Variants in PAX2 observed in about 807,000 individuals in gnomAD.
PAX2 encodes paired box protein Pax-2.
In PAX2, 9 loss-of-function variants were observed where a neutral mutation model predicts 41.7. The observed-to-expected ratio is 0.22, with a 90% CI of 0.13 to 0.38. The LOEUF (loss-of-function observed/expected upper bound fraction) is 0.38, where lower values mean the gene tolerates loss of function less well. PAX2 is among the 10% of genes least tolerant of loss of function. The pLI, the probability that PAX2 is intolerant of heterozygous loss-of-function variation, is 1.00. For missense variants in PAX2, 418 were observed against 531.6 expected, an observed-to-expected ratio of 0.79 and a Z score of 2.10; for synonymous variants, 221 against 212.7, an observed-to-expected ratio of 1.04 and a Z score of -0.34.
At chr10:100,764,422 G>A (rs373740108) in intron 3 of PAX2, among the ~76,000 whole-genome samples, 657 of 152,228 alleles carry the variant, frequency 4.3e-3, no homozygotes, top group Non-Finnish European at 7.1e-3. Context: ...GATTACAGGC[G>A]TCAGCCACCG....
intron 5 of PAX2, among the ~76,000 whole-genome samples, chr10:100,799,834 AC>A (rs1847482920): frequency 7.8e-6 from 1 of 127,572 alleles, no homozygotes; most frequent in African/African-American, 3.0e-5. Flanking sequence ...TCACTCTGTC[AC>A]CCAGGCTGGC....
chr10:100,772,030 C>A (rs1352193669), intron 3 of PAX2, among the ~76,000 whole-genome samples: 1 of 151,954 alleles, frequency 6.6e-6, no homozygotes, highest in East Asian at 1.9e-4. Flanking sequence ...TGGTCTTGAA[C>A]TTCCGACCTC....
At position 100,791,925 on chromosome 10, in the gene PAX2, G is replaced by A. The variant is rs1163189774; in HGVS notation, c.616+10560G>A. On this transcript the variant is annotated intron_variant, in intron 5 of 9. Transcript: ENST00000355243. The surrounding 1 kb of genome is among the most constrained non-coding windows in gnomAD (Gnocchi z 4.5). ...CAGCTTGTAGGAGCCGCCTGGGTGA[G>A]GGACAGTGTGGGTGGTCTTGGGCAG... Among the ~76,000 whole-genome samples, 2 of 152,184 alleles carry A rather than the reference G, an allele frequency of 1.3e-5. No individual in the cohort carries two copies. The highest frequency in any genetic ancestry group is 1.9e-4 in the East Asian group (1 of 5,180).
At chr10:100,764,126 C>T (rs1845932536) in intron 3 of PAX2, among the ~76,000 whole-genome samples, 1 of 146,624 alleles carries the variant, frequency 6.8e-6, no homozygotes. Context: ...TGTGTATGCA[C>T]AAACATTGAA....
At chr10:100,811,970 G>T (rs1237863922) in intron 7 of PAX2, among the ~76,000 whole-genome samples, 1 of 152,240 alleles carries the variant, frequency 6.6e-6, no homozygotes, top group African/African-American at 2.4e-5. Context: ...GGCCCTGGAG[G>T]CTGATTTCAA....
chr10:100,753,546 G>A (rs1431664463), intron 3 of PAX2, among the ~76,000 whole-genome samples: 1 of 152,196 alleles, frequency 6.6e-6, no homozygotes, highest in Non-Finnish European at 1.5e-5. Context: ...TGGTGCACCG[G>A]GGAACGGGTG....
rs1848494907 is a variant in PAX2 at position 100,824,813 on chromosome 10, G to A, written c.1021+64G>A. 6.7e-7 allele frequency: 1 copy of A among 1,496,744 alleles called. No individual in the cohort carries two copies. The highest frequency in any genetic ancestry group is 9.3e-7 in the Non-Finnish European group (1 of 1,073,112). 92.7% of individuals were successfully genotyped at this position (1,496,744 alleles called of 1,614,324 possible). A position where few individuals can be genotyped will look rare whatever the true frequency, so the allele number is the denominator to read the frequency against. On this transcript the variant is annotated intron_variant, in intron 8 of 9. Transcript: ENST00000355243. This position sits in a 1 kb window ranked among gnomAD's most constrained non-coding sequence, Gnocchi z 6.6. ...GGAACTAAATTGTGGGTGAGCTGCT[G>A]AATGGTCTGTAGTCTGAGGCTGGGG...
At chr10:100,805,315 T>C (rs1847737748) in intron 5 of PAX2, among the ~76,000 whole-genome samples, 1 of 152,184 alleles carries the variant, frequency 6.6e-6, no homozygotes, top group East Asian at 1.9e-4. Context: ...ATATATAACA[T>C]TCCCAGAGGA....
chr10:100,818,329 T>A (rs971566197), intron 7 of PAX2, among the ~76,000 whole-genome samples: 1 of 152,226 alleles, frequency 6.6e-6, no homozygotes, highest in Non-Finnish European at 1.5e-5. Context: ...GCTTCCTTTT[T>A]ATTTCCTTGA....
At chr10:100,762,872 G>A (rs892700462) in intron 3 of PAX2, among the ~76,000 whole-genome samples, 2 of 152,228 alleles carry the variant, frequency 1.3e-5, no homozygotes, top group African/African-American at 4.8e-5. Context: ...GCAGAGGGTG[G>A]ATTGGTCGCA....
chr10:100,740,212 G>C (rs1044269565), intron 1 of PAX2, among the ~76,000 whole-genome samples: 1 of 152,170 alleles, frequency 6.6e-6, no homozygotes, highest in African/African-American at 2.4e-5. Flanking sequence ...CGGTTTTGGC[G>C]GACTGGCTGA....
chr10:100,760,078 T>C (rs1055256971), intron 3 of PAX2, among the ~76,000 whole-genome samples: 13 of 152,168 alleles, frequency 8.5e-5, no homozygotes, highest in Admixed American at 2.0e-4. Context: ...CTTAGTGCGT[T>C]TTCCCAAGAG....
At chr10:100,775,052 C>G (rs1025248025) in intron 3 of PAX2, among the ~76,000 whole-genome samples, 2 of 152,208 alleles carry the variant, frequency 1.3e-5, no homozygotes, top group Non-Finnish European at 2.9e-5. Flanking sequence ...AGGGCAGTCT[C>G]TCAGTGGAAA....
chr10:100,788,736 C>G (rs182176584), intron 5 of PAX2, among the ~76,000 whole-genome samples: 1 of 152,188 alleles, frequency 6.6e-6, no homozygotes, highest in East Asian at 1.9e-4. Flanking sequence ...TGGGATTCAG[C>G]CTGAAGGAGC....
intron 5 of PAX2, among the ~76,000 whole-genome samples, chr10:100,795,050 C>A (rs1165741799): frequency 1.3e-5 from 2 of 152,192 alleles, no homozygotes; most frequent in African/African-American, 4.8e-5. Flanking sequence ...CCAATGGGGA[C>A]CTCCTCCTGG....
intron 5 of PAX2, among the ~76,000 whole-genome samples, 161 bp downstream of exon 5, chr10:100,781,526 G>C (rs1299441019): frequency 6.6e-6 from 1 of 152,230 alleles, no homozygotes; most frequent in African/African-American, 2.4e-5. Flanking sequence ...GAGAGAGGGA[G>C]GGTGGCTGCT....
intron 1 of PAX2, among the ~76,000 whole-genome samples, chr10:100,739,014 G>GACACACACACACACACACACACACAC (rs61617727): frequency 7.2e-6 from 1 of 138,266 alleles, no homozygotes; most frequent in Non-Finnish European, 1.6e-5. Context: ...CGCGCACGCG[G>GACACACACACACACACACACACACAC]ACACACACAC....
In PAX2 at chr10:100,827,239, C is replaced by A; in HGVS notation, c.1108+144C>A. The A allele has an allele frequency of 1.4e-6, 1 of 732,126 alleles. No homozygotes were observed. 45.4% of individuals were successfully genotyped at this position (732,126 alleles called of 1,614,324 possible). On this transcript the variant is annotated intron_variant, in intron 9 of 9. Coordinates refer to ENST00000355243, the MANE Select transcript of PAX2 (RefSeq NM_000278.5). This position sits in a 1 kb window ranked among gnomAD's most constrained non-coding sequence, Gnocchi z 8.5. ...AGTGCAGCACTGAGGCCCGGGGACC[C>A]CTCGAGGACGCCCGCACCTCCTGCC...
At chr10:100,752,377 T>C (rs140547720) in intron 3 of PAX2, among the ~76,000 whole-genome samples, 147 of 152,344 alleles carry the variant, frequency 9.6e-4, no homozygotes, top group African/African-American at 3.4e-3. Flanking sequence ...AATAAGCCCT[T>C]TGCTTTAAAA....
Sources: allele counts gnomAD v4.1 joint callset (sites outside exome capture counted in the v4.1 genomes callset), GRCh38; gene constraint gnomAD v4.1.1; non-coding constraint Gnocchi (gnomAD v3.1); transcripts MANE v1.5; gene names NCBI Gene and HGNC (gene_info 2026-07-23, HGNC 2026-07-21).